RAPGEF4: variants seen among roughly 807,000 people sequenced by gnomAD.
The protein encoded by RAPGEF4 is Rap guanine nucleotide exchange factor 4, also known as RAP guanine-nucleotide-exchange factor (GEF) 4.
In RAPGEF4, 66 loss-of-function variants were observed where a neutral mutation model predicts 147.9. The ratio of observed to expected loss-of-function variants is 0.45; its 90% CI spans 0.37 to 0.55. The LOEUF is 0.55. RAPGEF4 is among the 20% of genes least tolerant of loss of function. The pLI, the probability that RAPGEF4 is intolerant of heterozygous loss-of-function variation, is 0.00. For synonymous variants in RAPGEF4, 419 were observed against 442.7 expected, an observed-to-expected ratio of 0.95 and a Z score of 0.67; for missense variants, 1,071 against 1,257.3, an observed-to-expected ratio of 0.85 and a Z score of 2.24.
At chr2:173,031,816 A>G (rs1697220391) in intron 26 of RAPGEF4, among the ~76,000 whole-genome samples, 1 of 152,108 alleles carries the variant, frequency 6.6e-6, no homozygotes, top group Non-Finnish European at 1.5e-5. Flanking sequence ...CATCATTTAT[A>G]AGCCTTTGTT....
intron 6 of RAPGEF4, among the ~76,000 whole-genome samples, chr2:172,935,009 A>G (rs968695720): frequency 6.6e-6 from 1 of 152,102 alleles, no homozygotes; most frequent in African/African-American, 2.4e-5. Flanking sequence ...AGGCCCTGTC[A>G]CTACAAAAAA....
chr2:172,823,789 A>G (rs975321520), intron 4 of RAPGEF4, among the ~76,000 whole-genome samples: 4 of 152,232 alleles, frequency 2.6e-5, no homozygotes, highest in African/African-American at 7.2e-5. Flanking sequence ...GCCCAAACCA[A>G]TAAATGCAAG....
At chr2:172,860,412 G>C in intron 4 of RAPGEF4, 1 of 714,660 alleles carries the variant, frequency 1.4e-6, no homozygotes, top group African/African-American at 1.9e-5. Context: ...ATTTACAGAA[G>C]TAGACTTCAT....
intron 4 of RAPGEF4, chr2:172,889,776 A>G (rs976659120): frequency 9.5e-6 from 9 of 946,746 alleles, no homozygotes; most frequent in East Asian, 1.2e-4. Flanking sequence ...AAAAATATAG[A>G]TAGATATTTT....
At chr2:173,036,319 T>G in intron 28 of RAPGEF4, 107 bp downstream of exon 28, 1 of 905,790 alleles carries the variant, frequency 1.1e-6, no homozygotes, top group Admixed American at 2.0e-5. Flanking sequence ...ATCGATCCCA[T>G]CCTTCTGCCT....
At chr2:172,754,800 T>C (rs13383922) in intron 1 of RAPGEF4, among the ~76,000 whole-genome samples, 22,098 of 152,202 alleles carry the variant, frequency 0.15, 1,855 homozygotes, top group African/African-American at 0.23. Context: ...CCCAGCACTT[T>C]GGGAGGCCGA....
At chr2:172,941,351 G>C (rs759357100) in intron 6 of RAPGEF4, among the ~76,000 whole-genome samples, 4 of 152,118 alleles carry the variant, frequency 2.6e-5, no homozygotes, top group Admixed American at 6.6e-5. Flanking sequence ...TGGCAAAATA[G>C]TCCTTAATTC....
intron 6 of RAPGEF4, among the ~76,000 whole-genome samples, chr2:172,931,529 A>C (rs190202312): frequency 5.1e-4 from 78 of 152,334 alleles, no homozygotes; most frequent in African/African-American, 1.8e-3. Flanking sequence ...AGACAGGAGA[A>C]TCAGAAATTC....
rs1276683784 is a variant in RAPGEF4 at position 173,026,484 on chromosome 2, C to G, written c.2254-88C>G. The G allele has an allele frequency of 2.1e-6, 3 of 1,399,094 alleles. No individual in the cohort carries two copies. In the African/African-American group the frequency reaches 4.4e-5, roughly 21 times the overall value. The allele number at this position is 1,399,094 out of a possible 1,614,324, so 86.7% of individuals were successfully genotyped here. A position where few individuals can be genotyped will look rare whatever the true frequency, so the allele number is the denominator to read the frequency against. ...CCTGAAAGCGTCCATCTCCAGAATC[C>G]TTTCCCCTCAGAAACTCCTGAAAGC... On this transcript the variant is annotated intron_variant, in intron 23 of 30. Transcript: ENST00000397081.
chr2:172,928,025 A>G, intron 6 of RAPGEF4: 1 of 238,848 alleles, frequency 4.2e-6, no homozygotes, highest in Non-Finnish European at 8.7e-6. Context: ...TGAAGATTAG[A>G]TTAGCAGTGC....
chr2:172,785,926 T>C (rs967135692), intron 1 of RAPGEF4, among the ~76,000 whole-genome samples: 1 of 152,162 alleles, frequency 6.6e-6, no homozygotes, highest in Non-Finnish European at 1.5e-5. Context: ...AGCTGATTGA[T>C]GAAGGCGGTG....
At chr2:172,944,645 C>T (rs776714798) in intron 6 of RAPGEF4, among the ~76,000 whole-genome samples, 24 of 152,160 alleles carry the variant, frequency 1.6e-4, no homozygotes, top group Non-Finnish European at 3.5e-4. Context: ...GTGATTAACC[C>T]CAGTCTGACT....
At chr2:172,885,652 T>G (rs920403993) in intron 4 of RAPGEF4, among the ~76,000 whole-genome samples, 1 of 152,200 alleles carries the variant, frequency 6.6e-6, no homozygotes, top group African/African-American at 2.4e-5. Flanking sequence ...TCAGCTCTCA[T>G]GAGACTTATT....
At chr2:172,928,217 T>C (rs1322973155) in intron 6 of RAPGEF4, 1 of 454,780 alleles carries the variant, frequency 2.2e-6, no homozygotes, top group African/African-American at 2.0e-5. Flanking sequence ...ATGTTTGTTT[T>C]TGTACTTGTG....
intron 4 of RAPGEF4, among the ~76,000 whole-genome samples, chr2:172,829,571 CAACT>C (rs890780562): frequency 1.3e-5 from 2 of 152,058 alleles, no homozygotes; most frequent in African/African-American, 4.8e-5. Flanking sequence ...TAGTGACCAC[CAACT>C]AAGTGCCAGA....
At chr2:173,003,842 A>G (rs923176995) in intron 17 of RAPGEF4, among the ~76,000 whole-genome samples, 2 of 152,230 alleles carry the variant, frequency 1.3e-5, no homozygotes, top group Middle Eastern at 3.2e-3. Context: ...CCTGCAAGCA[A>G]CAGGGATGTA....
intron 4 of RAPGEF4, among the ~76,000 whole-genome samples, chr2:172,876,830 G>T (rs1231282695): frequency 6.6e-6 from 1 of 152,182 alleles, no homozygotes; most frequent in East Asian, 1.9e-4. Context: ...AATGGTACCA[G>T]CTCCTCCTTG....
chr2:172,828,602 A>T (rs1689947433), intron 4 of RAPGEF4, among the ~76,000 whole-genome samples: 1 of 152,178 alleles, frequency 6.6e-6, no homozygotes, highest in Admixed American at 6.5e-5. Context: ...AGAGAACTGA[A>T]GGTCAAACTC....
intron 1 of RAPGEF4, among the ~76,000 whole-genome samples, chr2:172,784,513 TAA>T (rs368318278): frequency 8.3e-5 from 11 of 132,978 alleles, no homozygotes; most frequent in Non-Finnish European, 9.7e-5. Flanking sequence ...GCGAAACTCT[TAA>T]AAAAAAAAAA....
Sources: allele counts gnomAD v4.1 joint callset (sites outside exome capture counted in the v4.1 genomes callset), GRCh38; gene constraint gnomAD v4.1.1; transcripts MANE v1.5; gene names NCBI Gene and HGNC (gene_info 2026-07-23, HGNC 2026-07-21).